Variants in NEGR1 observed in about 807,000 individuals in gnomAD.
NEGR1 encodes the protein neuronal growth regulator 1.
NEGR1 carries 10 observed loss-of-function variants against 40.9 expected under a neutral mutation model. The observed-to-expected ratio is 0.24, with a 90% CI of 0.15 to 0.42. NEGR1 has a LOEUF of 0.42. NEGR1 is among the 10% of genes least tolerant of loss of function. NEGR1 has a pLI of 1.00. For synonymous variants in NEGR1, 185 were observed against 166.8 expected (o/e 1.11, Z -0.84); for missense variants, 352 against 438.9 (o/e 0.80, Z 1.77).
intron 1 of NEGR1, among the ~76,000 whole-genome samples, chr1:72,060,632 C>T (rs1312058220): frequency 6.6e-6 from 1 of 151,580 alleles, no homozygotes; most frequent in Non-Finnish European, 1.5e-5. Flanking sequence ...TTACAGAATG[C>T]TCTTTTAAAA....
At chr1:71,548,636 T>G (rs1331033444) in intron 6 of NEGR1, among the ~76,000 whole-genome samples, 1 of 151,756 alleles carries the variant, frequency 6.6e-6, no homozygotes, top group African/African-American at 2.4e-5. Context: ...TCATCTCATA[T>G]GCATAGCAGA....
intron 4 of NEGR1, among the ~76,000 whole-genome samples, chr1:71,679,505 T>C (rs1048332701): frequency 1.3e-5 from 2 of 152,164 alleles, no homozygotes; most frequent in Non-Finnish European, 2.9e-5. Context: ...AATTATAATT[T>C]CTGATTGTTA....
intron 5 of NEGR1, among the ~76,000 whole-genome samples, chr1:71,597,472 C>CTCTCTCTCTCTCTGTGTGTGTGTGTGTG (rs756076229): frequency 2.6e-4 from 8 of 31,326 alleles, no homozygotes; most frequent in African/African-American, 4.0e-4. Flanking sequence ...CTCTCTCTCT[C>CTCTCTCTCTCTCTGTGTGTGTGTGTGTG]TGTGTGTGTG....
intron 6 of NEGR1, among the ~76,000 whole-genome samples, chr1:71,452,241 T>C (rs1359405650): frequency 6.6e-6 from 1 of 152,214 alleles, no homozygotes; most frequent in African/African-American, 2.4e-5. Context: ...ATTTTCCTAG[T>C]GCAGAGATGC....
At chr1:72,179,564 T>C (rs1232602596) in intron 1 of NEGR1, among the ~76,000 whole-genome samples, 1 of 152,086 alleles carries the variant, frequency 6.6e-6, no homozygotes, top group African/African-American at 2.4e-5. Flanking sequence ...GTTATTTGCA[T>C]TTGCACTTTT....
chr1:71,922,313 C>G (rs1156833970), intron 2 of NEGR1, among the ~76,000 whole-genome samples: 2 of 152,114 alleles, frequency 1.3e-5, no homozygotes, highest in East Asian at 3.9e-4. Context: ...TTGAGTGAAC[C>G]CTGCCAGAAA....
At chr1:72,217,217 A>G (rs889890542) in intron 1 of NEGR1, among the ~76,000 whole-genome samples, 10 of 151,870 alleles carry the variant, frequency 6.6e-5, no homozygotes, top group Admixed American at 5.3e-4. Context: ...CCCTTTGTTT[A>G]TAACAACAGA....
intron 1 of NEGR1, among the ~76,000 whole-genome samples, chr1:72,133,756 G>C (rs1019590800): frequency 6.6e-6 from 1 of 151,268 alleles, no homozygotes; most frequent in Non-Finnish European, 1.5e-5. Context: ...TTAAACTTTT[G>C]TAGTTAATAT....
chr1:71,960,977 G>A (rs952841359), intron 1 of NEGR1, among the ~76,000 whole-genome samples: 1 of 151,874 alleles, frequency 6.6e-6, no homozygotes, highest in Non-Finnish European at 1.5e-5. Flanking sequence ...TTAACTCTAT[G>A]GTTTGTATAA....
At chr1:71,656,050 T>C (rs147360683) in intron 4 of NEGR1, among the ~76,000 whole-genome samples, 208 of 152,306 alleles carry the variant, frequency 1.4e-3, no homozygotes, top group African/African-American at 4.7e-3. Context: ...AATATCCCAT[T>C]TATAACTGAA....
At chr1:72,161,601 A>T (rs1181414996) in intron 1 of NEGR1, among the ~76,000 whole-genome samples, 2 of 151,764 alleles carry the variant, frequency 1.3e-5, no homozygotes, top group Admixed American at 1.3e-4. Flanking sequence ...GATGTAAGCC[A>T]GGTATTTTAC....
chr1:72,263,316 T>A (rs1394413653), intron 1 of NEGR1, among the ~76,000 whole-genome samples: 3 of 151,698 alleles, frequency 2.0e-5, no homozygotes. Context: ...AGAAGTTTAC[T>A]TACATGCTGT....
chr1:71,917,234 T>C (rs1161029565), intron 2 of NEGR1, among the ~76,000 whole-genome samples: 4 of 152,208 alleles, frequency 2.6e-5, no homozygotes, highest in African/African-American at 9.7e-5. Context: ...CCGAATTAAA[T>C]TGTTATATTT....
At position 71,399,016 on chromosome 1, in the gene NEGR1, A is replaced by T. The variant is rs1418520677; in HGVS notation, c.*8430T>A. ...CCAGCCACATGGAACTGTAGGTCCAAAAAAACCTCTTTCTTTTGCATATTG... is the reference window on the plus strand; with the variant it reads ...CCAGCCACATGGAACTGTAGGTCCATAAAAACCTCTTTCTTTTGCATATTG... On this transcript the variant is annotated 3_prime_UTR_variant, in exon 7 of 7. Coordinates refer to ENST00000357731, the MANE Select transcript of NEGR1 (RefSeq NM_173808.3). 2 of 152,550 alleles carry T rather than the reference A, an allele frequency of 1.3e-5. No homozygotes were observed. The highest frequency in any genetic ancestry group is 2.9e-5 in the Non-Finnish European group (2 of 68,338). 9.4% of individuals were successfully genotyped at this position (152,550 alleles called of 1,614,324 possible).
Position 72,193,114 on chromosome 1 carries a change from C to T in NEGR1, c.176+89205G>A, listed in dbSNP as rs191772786. Among the ~76,000 whole-genome samples, 40 of 151,822 alleles carry T rather than the reference C, an allele frequency of 2.6e-4. No individual in the cohort carries two copies. The Middle Eastern group carries it at 0.01, about 39-fold the overall frequency. ...GCTCCTTGGATAAAAGGAGCACTACCTCCATAAGACAATAGAAAAATCAAT... is the reference window on the plus strand; with the variant it reads ...GCTCCTTGGATAAAAGGAGCACTACTTCCATAAGACAATAGAAAAATCAAT... On this transcript the variant is annotated intron_variant, in intron 1 of 6. Transcript: ENST00000357731.
intron 2 of NEGR1, among the ~76,000 whole-genome samples, chr1:71,867,045 T>C (rs1401580583): frequency 6.6e-6 from 1 of 152,048 alleles, no homozygotes; most frequent in Non-Finnish European, 1.5e-5. Flanking sequence ...AAAGGGAAAA[T>C]ACTGAAAAGA....
chr1:71,953,239 G>C (rs538096215), intron 1 of NEGR1, among the ~76,000 whole-genome samples: 1 of 152,024 alleles, frequency 6.6e-6, no homozygotes, highest in Middle Eastern at 3.4e-3. Flanking sequence ...GCCTGGAAAG[G>C]ATTCTCCATT....
At chr1:71,568,154 A>G (rs1350790013) in intron 6 of NEGR1, among the ~76,000 whole-genome samples, 1 of 152,208 alleles carries the variant, frequency 6.6e-6, no homozygotes, top group Non-Finnish European at 1.5e-5. Context: ...GTTTATTGTC[A>G]GTTGGATTAT....
intron 1 of NEGR1, among the ~76,000 whole-genome samples, chr1:71,993,269 A>G (rs1646471187): frequency 6.6e-6 from 1 of 152,208 alleles, no homozygotes; most frequent in Non-Finnish European, 1.5e-5. Flanking sequence ...AATATCTAAA[A>G]GAACTTTGAA....
Sources: allele counts gnomAD v4.1 joint callset (sites outside exome capture counted in the v4.1 genomes callset), GRCh38; gene constraint gnomAD v4.1.1; transcripts MANE v1.5; gene names NCBI Gene and HGNC (gene_info 2026-07-23, HGNC 2026-07-21).